Variants in STK10 observed in about 807,000 individuals in gnomAD.
STK10 encodes serine/threonine kinase 10, also known as serine/threonine-protein kinase 10.
In STK10, 78 loss-of-function variants were observed where a neutral mutation model predicts 113.8. That is an observed-to-expected ratio of 0.69 (90% CI 0.57 to 0.83). The LOEUF is 0.83. STK10 is among the 40% of genes least tolerant of loss of function. The pLI is 0.00. For synonymous variants in STK10, 465 were observed against 494.7 expected, an observed-to-expected ratio of 0.94 and a Z score of 0.80; for missense variants, 1,109 against 1,280.1, an observed-to-expected ratio of 0.87 and a Z score of 2.04.
At chr5:172,183,613 G>A (rs1279696252) in intron 1 of STK10, among the ~76,000 whole-genome samples, 1 of 151,758 alleles carries the variant, frequency 6.6e-6, no homozygotes, top group Non-Finnish European at 1.5e-5. Context: ...GCGCCACCAC[G>A]CCCAGCTAAT....
At chr5:172,150,948 G>A (rs1251789619) in intron 2 of STK10, among the ~76,000 whole-genome samples, 1 of 152,214 alleles carries the variant, frequency 6.6e-6, no homozygotes, top group African/African-American at 2.4e-5. Flanking sequence ...GACTTTGGCT[G>A]CTCGCGACAG....
chr5:172,138,787 C>T (rs181634164), intron 2 of STK10, among the ~76,000 whole-genome samples: 35 of 152,026 alleles, frequency 2.3e-4, no homozygotes, highest in East Asian at 3.9e-4. Context: ...CTAAGGTGGG[C>T]GGATCACGAG....
rs370048818 is a variant in STK10, at chr5:172,177,116, C to T, written c.156+10771G>A. 3.6e-4 allele frequency among the ~76,000 whole-genome samples: 55 copies of T among 151,666 alleles called. 1 individual carries two copies. In the South Asian group the frequency reaches 0.01, roughly 29 times the overall value. On this transcript the variant is annotated intron_variant, in intron 1 of 18. Coordinates refer to ENST00000176763, the MANE Select transcript of STK10 (RefSeq NM_005990.4). ...TTGAACCCAGGAGGCGATCATGCCG[C>T]CAGTGAGCCGCGATCATGCCACTGC...
At chr5:172,075,533 T>C (rs1451614966) in intron 12 of STK10, among the ~76,000 whole-genome samples, 2 of 151,884 alleles carry the variant, frequency 1.3e-5, no homozygotes. Context: ...AAAAATTAGC[T>C]GCGCATGGTG....
chr5:172,089,735 G>C (rs546253112), intron 10 of STK10, among the ~76,000 whole-genome samples: 1 of 152,058 alleles, frequency 6.6e-6, no homozygotes, highest in East Asian at 1.9e-4. Context: ...GTGGGTAGAT[G>C]AATCAGTGGA....
chr5:172,120,161 G>A lies in STK10; in HGVS notation c.371-2531C>T, dbSNP rs1376756868. ...CTACCCAAGACCCCTGTGACCAGGG[G>A]AGCCACCTCCCTTGGCCTGCCAGGT... is the stretch of plus-strand genomic sequence containing the variant. On this transcript the variant is annotated intron_variant, in intron 3 of 18. Transcript: ENST00000176763. This position sits in a 1 kb window ranked among gnomAD's most constrained non-coding sequence, Gnocchi z 4.0. 6.6e-6 allele frequency among the ~76,000 whole-genome samples: 1 copy of A among 152,124 alleles called. No homozygotes were observed. The highest frequency in any genetic ancestry group is 1.5e-5 in the Non-Finnish European group (1 of 68,012).
rs774067172 is a variant in STK10 at position 172,082,546 on chromosome 5, T to C, written c.1810-41A>G. Reference sequence around the variant, plus strand: ...ATTCTGAGAAACTTAGCGAAGTCACTTTATACCTGGGAGGGACATGGGAAG... The same window carrying C: ...ATTCTGAGAAACTTAGCGAAGTCACCTTATACCTGGGAGGGACATGGGAAG... On this transcript the variant is annotated intron_variant, in intron 11 of 18. Coordinates refer to ENST00000176763, the MANE Select transcript of STK10 (RefSeq NM_005990.4). The surrounding 1 kb of genome is among the most constrained non-coding windows in gnomAD (Gnocchi z 4.3). 1 of 1,537,336 alleles carries C rather than the reference T, an allele frequency of 6.5e-7. No homozygotes were observed. The highest frequency in any genetic ancestry group is 8.7e-7 in the Non-Finnish European group (1 of 1,143,332).
chr5:172,123,252 G>A (rs1187034106), intron 3 of STK10, among the ~76,000 whole-genome samples: 1 of 152,222 alleles, frequency 6.6e-6, no homozygotes, highest in Non-Finnish European at 1.5e-5. Context: ...GAGCTGCAAC[G>A]AGGACCTGGC....
intron 1 of STK10, among the ~76,000 whole-genome samples, chr5:172,163,155 ACTCT>A (rs1366862993): frequency 6.6e-6 from 1 of 152,156 alleles, no homozygotes; most frequent in Non-Finnish European, 1.5e-5. Flanking sequence ...CTGACTGAGC[ACTCT>A]CTGTGTTCCA....
chr5:172,117,783 G>A (rs1286300391), intron 3 of STK10, among the ~76,000 whole-genome samples, 153 bp from the exon 4 acceptor site: 1 of 152,050 alleles, frequency 6.6e-6, no homozygotes, highest in South Asian at 2.1e-4. Context: ...GAGAGGCCGA[G>A]GCAGGTGGAT....
chr5:172,061,922 G>A (rs1581135748), intron 13 of STK10, among the ~76,000 whole-genome samples: 1 of 152,076 alleles, frequency 6.6e-6, no homozygotes, highest in East Asian at 1.9e-4. Flanking sequence ...ATATTACTGA[G>A]ATTAGGTGAC....
chr5:172,145,240 G>T (rs1284173248), intron 2 of STK10, among the ~76,000 whole-genome samples: 1 of 152,218 alleles, frequency 6.6e-6, no homozygotes, highest in Non-Finnish European at 1.5e-5. Context: ...AGGGGAAGGA[G>T]CCAGGCCCAT....
At position 172,107,861 on chromosome 5, in the gene STK10, C is replaced by CA. The variant is rs760489976; in HGVS notation, c.521-10dup. On this transcript the variant is annotated splice_polypyrimidine_tract_variant and intron_variant, in intron 4 of 18. Coordinates refer to ENST00000176763, the MANE Select transcript of STK10 (RefSeq NM_005990.4). The stretch of plus-strand genomic sequence containing the variant: ...AGACACACCAAAGTCAGCTGCAAGA[C>CA]AAAATCTCAGCTAGCGTTTTCCACC... 1.9e-6 allele frequency: 3 copies of CA among 1,613,992 alleles called. No individual in the cohort carries two copies. Among genetic ancestry groups the CA allele is most frequent in the Admixed American group, 1.7e-5 (1 of 60,008 alleles).
chr5:172,049,189 G>A (rs910674391), intron 18 of STK10, among the ~76,000 whole-genome samples: 4 of 152,166 alleles, frequency 2.6e-5, no homozygotes, highest in African/African-American at 7.2e-5. Flanking sequence ...TGTCTCTAGA[G>A]TCTGAAACAG....
chr5:172,154,125 A>G (rs1054277478), intron 2 of STK10, among the ~76,000 whole-genome samples: 5 of 152,244 alleles, frequency 3.3e-5, no homozygotes, highest in Non-Finnish European at 7.3e-5. Context: ...TTAAACGAGC[A>G]TCAGAGTCAC....
At chr5:172,073,656 A>G (rs1420936435) in intron 12 of STK10, among the ~76,000 whole-genome samples, 1 of 152,038 alleles carries the variant, frequency 6.6e-6, no homozygotes, top group African/African-American at 2.4e-5. Flanking sequence ...TGAAATAAAT[A>G]TAATTCAAGG....
intron 13 of STK10, 98 bp downstream of exon 13, chr5:172,064,622 T>C: frequency 7.8e-7 from 1 of 1,284,148 alleles, no homozygotes; most frequent in Non-Finnish European, 1.1e-6. Context: ...ACGGGGTATT[T>C]GAGGGGCAGG....
At position 172,083,094 on chromosome 5, in the gene STK10, T is replaced by A; in HGVS notation, c.1686-10A>T. ...TCGGAGTTCCTGGCGCCTGAAAGGT[T>A]AAAGGATACAGATATTTCACAGTAA... On this transcript the variant is annotated splice_polypyrimidine_tract_variant and intron_variant, in intron 10 of 18. Transcript: ENST00000176763. 1 of 1,613,994 alleles carries A rather than the reference T, an allele frequency of 6.2e-7. No homozygotes were observed. Among genetic ancestry groups the A allele is most frequent in the Non-Finnish European group, 8.5e-7 (1 of 1,179,996 alleles).
chr5:172,048,839 C>T (rs934929349), intron 18 of STK10, among the ~76,000 whole-genome samples: 7 of 152,114 alleles, frequency 4.6e-5, no homozygotes, highest in South Asian at 2.1e-4. Flanking sequence ...GCCCCCCACC[C>T]CTCTGACTTT....
Sources: allele counts gnomAD v4.1 joint callset (sites outside exome capture counted in the v4.1 genomes callset), GRCh38; gene constraint gnomAD v4.1.1; non-coding constraint Gnocchi (gnomAD v3.1); transcripts MANE v1.5; gene names NCBI Gene and HGNC (gene_info 2026-07-23, HGNC 2026-07-21).